Variants in SLC43A2 observed in about 807,000 individuals in gnomAD.
The protein encoded by SLC43A2 is large neutral amino acids transporter small subunit 4.
A neutral mutation model predicts 63.2 loss-of-function variants in SLC43A2; 38 were observed. The ratio of observed to expected loss-of-function variants is 0.60; its 90% CI spans 0.46 to 0.79. The LOEUF (loss-of-function observed/expected upper bound fraction) is 0.79. SLC43A2 is among the 30% of genes least tolerant of loss of function. SLC43A2 has a pLI of 0.00. For missense variants in SLC43A2, 644 were observed against 756.2 expected, an observed-to-expected ratio of 0.85 and a Z score of 1.74; for synonymous variants, 322 against 331.0, an observed-to-expected ratio of 0.97 and a Z score of 0.30.
chr17:1,626,879 A>G (rs1908709226), intron 2 of SLC43A2, among the ~76,000 whole-genome samples: 1 of 152,170 alleles, frequency 6.6e-6, no homozygotes, highest in Non-Finnish European at 1.5e-5. Flanking sequence ...AGGAGGCTAG[A>G]GGCTGGGGGC....
intron 5 of SLC43A2, among the ~76,000 whole-genome samples, chr17:1,596,762 C>G (rs1905316406): frequency 2.0e-5 from 3 of 151,988 alleles, no homozygotes; most frequent in Admixed American, 2.0e-4. Context: ...TTTGAAATAA[C>G]CAATTTTTTA....
intron 5 of SLC43A2, among the ~76,000 whole-genome samples, chr17:1,595,319 T>C (rs35826381): frequency 6.6e-6 from 1 of 150,746 alleles, no homozygotes; most frequent in Non-Finnish European, 1.5e-5. Flanking sequence ...GGTCTCATTC[T>C]GTTGCCCAGG....
intron 5 of SLC43A2, among the ~76,000 whole-genome samples, chr17:1,596,286 T>C (rs1036688983): frequency 6.6e-6 from 1 of 151,678 alleles, no homozygotes; most frequent in Non-Finnish European, 1.5e-5. Context: ...TCCACTGCAC[T>C]CTAGCCTGGG....
chr17:1,575,871 A>AG lies in SLC43A2; in HGVS notation c.1549-107dup, dbSNP rs1444809066. ...AAAGGGGAGAAGGTCACGGGGTGGA[A>AG]GGGGGAACGAAACAGGAAGGCCCAC... On this transcript the variant is annotated intron_variant, in intron 13 of 13. Coordinates refer to ENST00000301335, the MANE Select transcript of SLC43A2 (RefSeq NM_152346.3). 1.6e-5 allele frequency: 21 copies of AG among 1,320,182 alleles called. No homozygotes were observed. The East Asian group carries it at 2.3e-4, about 14-fold the overall frequency. The allele number at this position is 1,320,182 out of a possible 1,614,324, so 81.8% of individuals were successfully genotyped here.
At chr17:1,586,387 G>C (rs1430239646) in intron 9 of SLC43A2, among the ~76,000 whole-genome samples, 1 of 152,112 alleles carries the variant, frequency 6.6e-6, no homozygotes, top group Non-Finnish European at 1.5e-5. Flanking sequence ...CGGGCCGTTA[G>C]TTTCTGTCTC....
In SLC43A2 at chr17:1,578,566, C is replaced by T. The variant is rs763634897; in HGVS notation, c.1351-243G>A. The T allele has an allele frequency of 5.1e-5, 26 of 511,904 alleles. No homozygotes were observed. The highest frequency in any genetic ancestry group is 9.1e-5 in the Non-Finnish European group (26 of 284,546). The allele number at this position is 511,904 out of a possible 1,614,324, so 31.7% of individuals were successfully genotyped here. ...TGTTTGAGAAGAAGTCTTGCTTTGTCGCCCAGGCTGGAGTGCAGTGGCGTG... is the reference window on the plus strand; with the variant it reads ...TGTTTGAGAAGAAGTCTTGCTTTGTTGCCCAGGCTGGAGTGCAGTGGCGTG... On this transcript the variant is annotated intron_variant, in intron 11 of 13. Coordinates refer to ENST00000301335, the MANE Select transcript of SLC43A2 (RefSeq NM_152346.3). This position sits in a 1 kb window ranked among gnomAD's most constrained non-coding sequence, Gnocchi z 6.5.
intron 5 of SLC43A2, among the ~76,000 whole-genome samples, chr17:1,594,874 C>T (rs1003678661): frequency 1.3e-5 from 2 of 151,908 alleles, no homozygotes. Flanking sequence ...AGGCGTGAGC[C>T]ACCGCGCCCA....
intron 9 of SLC43A2, among the ~76,000 whole-genome samples, chr17:1,590,283 T>G: frequency 6.6e-6 from 1 of 152,026 alleles, no homozygotes; most frequent in South Asian, 2.1e-4. Flanking sequence ...CTGACAAGCC[T>G]CAACTGTTCG....
rs1042858036 is a variant in SLC43A2 at position 1,593,677 on chromosome 17, T to C, written c.502-398A>G. ...AAAATAAGAATCTATTTGGGGATAA[T>C]AGCATCATTTTATAAATAAAAATAT... On this transcript the variant is annotated intron_variant, in intron 5 of 13. Coordinates refer to ENST00000301335, the MANE Select transcript of SLC43A2 (RefSeq NM_152346.3). This position sits in a 1 kb window ranked among gnomAD's most constrained non-coding sequence, Gnocchi z 5.3. Among the ~76,000 whole-genome samples the C allele has an allele frequency of 6.6e-5, 10 of 152,108 alleles. No homozygotes were observed. Among genetic ancestry groups the C allele is most frequent in the African/African-American group, 2.4e-4 (10 of 41,420 alleles).
rs915758679 is a variant in SLC43A2, at chr17:1,605,429, C to A, written c.501+7766G>T. Among the ~76,000 whole-genome samples, 2 of 152,182 alleles carry A rather than the reference C, an allele frequency of 1.3e-5. No individual in the cohort carries two copies. The highest frequency in any genetic ancestry group is 2.9e-5 in the Non-Finnish European group (2 of 68,036). On this transcript the variant is annotated intron_variant, in intron 5 of 13. Coordinates refer to ENST00000301335, the MANE Select transcript of SLC43A2 (RefSeq NM_152346.3). This position sits in a 1 kb window ranked among gnomAD's most constrained non-coding sequence, Gnocchi z 4.9. ...GAGCTTCTCTAAGATGCCGGACGTA[C>A]GTGCCTTTTGGCCCAGGGCAGGCCA...
intron 5 of SLC43A2, among the ~76,000 whole-genome samples, chr17:1,599,852 C>G (rs375690715): frequency 3.6e-4 from 54 of 149,586 alleles, no homozygotes; most frequent in South Asian, 2.1e-3. Context: ...AGACCATCCT[C>G]GCTAACACAG....
intron 5 of SLC43A2, among the ~76,000 whole-genome samples, chr17:1,599,969 G>A (rs1262857577): frequency 6.8e-6 from 1 of 147,716 alleles, no homozygotes; most frequent in Non-Finnish European, 1.5e-5. Flanking sequence ...GCGTGAACCT[G>A]GGAGGCAGAG....
At chr17:1,601,728 C>T (rs1451640982) in intron 5 of SLC43A2, among the ~76,000 whole-genome samples, 1 of 149,918 alleles carries the variant, frequency 6.7e-6, no homozygotes, top group African/African-American at 2.5e-5. Context: ...ACTGCCCTCC[C>T]GAAGGTCCAA....
rs775147337 is a variant in SLC43A2 at position 1,578,493 on chromosome 17, C to T, written c.1351-170G>A. Reference sequence around the variant, plus strand: ...ATTTTCAGAAATTTTGCAAGCCAGTCGTTAACACAGTCATTTTTTGTTTGT... The same window carrying T: ...ATTTTCAGAAATTTTGCAAGCCAGTTGTTAACACAGTCATTTTTTGTTTGT... On this transcript the variant is annotated intron_variant, in intron 11 of 13. Coordinates refer to ENST00000301335, the MANE Select transcript of SLC43A2 (RefSeq NM_152346.3). This position sits in a 1 kb window ranked among gnomAD's most constrained non-coding sequence, Gnocchi z 6.5. 4 of 557,324 alleles carry T rather than the reference C, an allele frequency of 7.2e-6. No individual in the cohort carries two copies. The highest frequency in any genetic ancestry group is 9.6e-6 in the Non-Finnish European group (3 of 313,032). The allele number at this position is 557,324 out of a possible 1,614,324, so 34.5% of individuals were successfully genotyped here.
At chr17:1,600,441 G>A (rs962034655) in intron 5 of SLC43A2, among the ~76,000 whole-genome samples, 5 of 149,920 alleles carry the variant, frequency 3.3e-5, no homozygotes, top group East Asian at 2.0e-4. Flanking sequence ...ATGAGCCACC[G>A]CGCCCTTCCA....
chr17:1,591,735 G>GGGGGGCA, intron 6 of SLC43A2, 36 bp from the exon 7 acceptor site: 6 of 652,922 alleles, frequency 9.2e-6, no homozygotes, highest in Non-Finnish European at 4.9e-6. Context: ...GGGGGGGGGA[G>GGGGGGCA]GGGGCAGAGT....
chr17:1,581,221 C>CACACACACACACACAA (rs1491572456), intron 11 of SLC43A2, among the ~76,000 whole-genome samples: 1 of 151,906 alleles, frequency 6.6e-6, no homozygotes, highest in Non-Finnish European at 1.5e-5. Flanking sequence ...CACACACACA[C>CACACACACACACACAA]GCACGCTGTG....
chr17:1,595,292 AAG>A (rs200180233), intron 5 of SLC43A2, among the ~76,000 whole-genome samples: 29 of 150,172 alleles, frequency 1.9e-4, no homozygotes, highest in African/African-American at 6.7e-4. Context: ...AAAAAAAAAA[AAG>A]AGAGAGAGAG....
chr17:1,591,179 C>A, intron 8 of SLC43A2, 90 bp downstream of exon 8: 1 of 1,516,630 alleles, frequency 6.6e-7, no homozygotes, highest in South Asian at 1.2e-5. Flanking sequence ...GCGGGGCCGC[C>A]TCCCCTTTTG....
Sources: gnomAD v4.1 joint callset for allele counts (sites outside exome capture counted in the v4.1 genomes callset) on GRCh38, gnomAD v4.1.1 for gene constraint, Gnocchi (gnomAD v3.1) non-coding constraint, MANE v1.5 for transcripts, NCBI Gene and HGNC (gene_info 2026-07-23, HGNC 2026-07-21) for gene names.